CCDC38: variants seen among roughly 807,000 people sequenced by gnomAD.
CCDC38 encodes the protein coiled-coil domain containing 38.
CCDC38 carries 69 observed loss-of-function variants against 72.8 expected under a neutral mutation model. That is an observed-to-expected ratio of 0.95 (90% CI 0.78 to 1.16). The LOEUF (loss-of-function observed/expected upper bound fraction) is 1.16. Among genes scored for constraint, CCDC38 ranks in the 50% most tolerant of loss-of-function variants. CCDC38 has a pLI of 0.00. For synonymous variants in CCDC38, 201 were observed against 213.2 expected (o/e 0.94, Z 0.50); for missense variants, 626 against 638.9 (o/e 0.98, Z 0.22).
chr12:95,892,854 C>G (rs112266557), intron 8 of CCDC38, among the ~76,000 whole-genome samples: 1 of 152,098 alleles, frequency 6.6e-6, no homozygotes, highest in Admixed American at 6.5e-5. Flanking sequence ...CAGGCATGAG[C>G]CACCACACCC....
chr12:95,906,375 T>C lies in CCDC38; in HGVS notation c.369+12A>G. ...TTCCACTTGGCTAGGGGAGAAAAGT[T>C]ATTTTTACTACCTCGAGCAGAAACC... On this transcript the variant is annotated intron_variant, in intron 5 of 15. Coordinates refer to ENST00000344280, the MANE Select transcript of CCDC38 (RefSeq NM_182496.3). 6.3e-7 allele frequency: 1 copy of C among 1,596,382 alleles called. No homozygotes were observed. Among genetic ancestry groups the C allele is most frequent in the Non-Finnish European group, 8.6e-7 (1 of 1,166,118 alleles).
chr12:95,926,820 A>G (rs976009800), intron 2 of CCDC38, among the ~76,000 whole-genome samples: 1 of 151,400 alleles, frequency 6.6e-6, no homozygotes, highest in Non-Finnish European at 1.5e-5. Flanking sequence ...ATTCAGGAGC[A>G]GGTTGTTCAG....
chr12:95,922,474 C>T (rs1009570082), intron 2 of CCDC38, among the ~76,000 whole-genome samples: 12 of 152,150 alleles, frequency 7.9e-5, no homozygotes, highest in African/African-American at 2.4e-4. Context: ...CCCCTGGTCC[C>T]CACAGGAGGA....
chr12:95,881,428 A>T (rs1442467557), intron 11 of CCDC38, 57 bp downstream of exon 11: 1 of 1,216,936 alleles, frequency 8.2e-7, no homozygotes, highest in African/African-American at 1.5e-5. Flanking sequence ...AGAATAAATG[A>T]TCATCAGTAT....
At chr12:95,912,991 G>A (rs1008971057) in intron 4 of CCDC38, among the ~76,000 whole-genome samples, 1 of 152,146 alleles carries the variant, frequency 6.6e-6, no homozygotes, top group African/African-American at 2.4e-5. Flanking sequence ...CCTTGAGCCA[G>A]GAGGTCGAGG....
intron 4 of CCDC38, among the ~76,000 whole-genome samples, chr12:95,910,621 A>G (rs945806357): frequency 6.6e-6 from 1 of 152,218 alleles, no homozygotes; most frequent in Non-Finnish European, 1.5e-5. Flanking sequence ...CAAAACTTGG[A>G]AAGGCCAAGG....
At chr12:95,878,854 G>A (rs1300240282) in intron 12 of CCDC38, among the ~76,000 whole-genome samples, 1 of 152,178 alleles carries the variant, frequency 6.6e-6, no homozygotes, top group East Asian at 1.9e-4. Context: ...GATTGGAAAA[G>A]ATACAAGGAT....
chr12:95,938,139 G>T (rs932893269), intron 1 of CCDC38, among the ~76,000 whole-genome samples: 3 of 152,020 alleles, frequency 2.0e-5, no homozygotes, highest in African/African-American at 7.2e-5. Flanking sequence ...GCTTATAAAA[G>T]AGAAAAAAAT....
intron 2 of CCDC38, among the ~76,000 whole-genome samples, chr12:95,922,089 A>G (rs2080215741): frequency 6.6e-6 from 1 of 152,234 alleles, no homozygotes. Context: ...CCATTTGCCC[A>G]AAGATTCAGT....
chr12:95,932,027 G>C (rs1342526052), intron 2 of CCDC38, among the ~76,000 whole-genome samples: 1 of 152,124 alleles, frequency 6.6e-6, no homozygotes, highest in Non-Finnish European at 1.5e-5. Flanking sequence ...TCGGGGGACT[G>C]TAGTAGCAAG....
At chr12:95,931,641 C>T (rs1436943474) in intron 2 of CCDC38, among the ~76,000 whole-genome samples, 2 of 152,302 alleles carry the variant, frequency 1.3e-5, no homozygotes, top group East Asian at 1.9e-4. Flanking sequence ...GTGTTTTAGG[C>T]ACTGATGTTA....
chr12:95,919,926 C>T lies in CCDC38; in HGVS notation c.38-950G>A, dbSNP rs754412560. ...GCAGTCACTTTGGAAAACAATCTGG[C>T]AGTTCCTTAAAAAGTTGAACACAGA... On this transcript the variant is annotated intron_variant, in intron 2 of 15. Transcript: ENST00000344280. 7.8e-4 allele frequency among the ~76,000 whole-genome samples: 119 copies of T among 152,304 alleles called. 2 individuals are homozygous for T. Among genetic ancestry groups the T allele is most frequent in the Middle Eastern group, 3.4e-3 (1 of 294 alleles).
At chr12:95,897,202 CT>C (rs1165789428) in intron 7 of CCDC38, among the ~76,000 whole-genome samples, 7 of 152,064 alleles carry the variant, frequency 4.6e-5, no homozygotes, top group South Asian at 2.1e-4. Flanking sequence ...GCATCAAGTT[CT>C]CAAAAAGGAA....
intron 7 of CCDC38, among the ~76,000 whole-genome samples, chr12:95,897,419 G>A (rs576469024): frequency 2.2e-4 from 33 of 152,000 alleles, no homozygotes; most frequent in African/African-American, 7.2e-4. Flanking sequence ...GACTAGCTTG[G>A]CTAACGTGGT....
Position 95,872,597 on chromosome 12 carries a change from C to G in CCDC38, c.1279-137G>C, listed in dbSNP as rs1372566576. 4.7e-6 allele frequency: 3 copies of G among 644,272 alleles called. No individual in the cohort carries two copies. In the African/African-American group the frequency reaches 5.5e-5, roughly 12 times the overall value. The allele number at this position is 644,272 out of a possible 1,614,324, so 39.9% of individuals were successfully genotyped here. On this transcript the variant is annotated intron_variant, in intron 13 of 15. Coordinates refer to ENST00000344280, the MANE Select transcript of CCDC38 (RefSeq NM_182496.3). Reference sequence around the variant, plus strand: ...TTTATTTTTATTATTTTTTTTGAGACGGAGTCTCACTCTGTCACCCAGGCT... The same window carrying G: ...TTTATTTTTATTATTTTTTTTGAGAGGGAGTCTCACTCTGTCACCCAGGCT...
At position 95,878,496 on chromosome 12, in the gene CCDC38, T is replaced by C. The variant is rs1432451081; in HGVS notation, c.1143-150A>G. The C allele has an allele frequency of 7.1e-6, 5 of 702,136 alleles. No homozygotes were observed. The African/African-American group carries it at 8.9e-5, about 13-fold the overall frequency. The allele number at this position is 702,136 out of a possible 1,614,324, so 43.5% of individuals were successfully genotyped here. A position where few individuals can be genotyped will look rare whatever the true frequency, so the allele number is the denominator to read the frequency against. ...TATTTGAAGACATTGCCAAAGTACA[T>C]GCAACTTTTCAAGTTAAAATGAGAA... is the stretch of plus-strand genomic sequence containing the variant. On this transcript the variant is annotated intron_variant, in intron 12 of 15. Transcript: ENST00000344280.
intron 4 of CCDC38, among the ~76,000 whole-genome samples, chr12:95,912,486 G>T (rs76240639): frequency 0.085 from 12,929 of 152,206 alleles, 768 homozygotes; most frequent in Non-Finnish European, 0.12. Context: ...GATAGGAAGA[G>T]GTTGGTTAAC....
At chr12:95,933,289 A>G (rs2080357168) in intron 2 of CCDC38, 1 of 152,210 alleles carries the variant, frequency 6.6e-6, no homozygotes, top group Non-Finnish European at 1.5e-5. Context: ...TGTACTCCAT[A>G]GAGATGACAT....
chr12:95,878,251 G>C lies in CCDC38; in HGVS notation c.1238C>G (p.Ser413Cys). 6.2e-7 allele frequency: 1 copy of C among 1,613,536 alleles called. No homozygotes were observed. Among genetic ancestry groups the C allele is most frequent in the South Asian group, 1.1e-5 (1 of 91,074 alleles). The change falls in exon 13 of 16, where the codon TCC (serine) becomes TGC (cysteine). Residue 413 changes from serine to cysteine, a missense_variant. Ser to Cys is a moderately radical substitution (Grantham distance 112). Coordinates refer to ENST00000344280, the MANE Select transcript of CCDC38 (RefSeq NM_182496.3). ...EEKAAELQLK[S>C]KLFSFGEFNS... The stretch of plus-strand genomic sequence containing the variant: ...AAATTCTCCAAAGCTAAAGAGCTTG[G>C]ACTTTAATTGCAATTCTGCTGCTTT...
Sources: gnomAD v4.1 joint callset for allele counts (sites outside exome capture counted in the v4.1 genomes callset) on GRCh38, gnomAD v4.1.1 for gene constraint, MANE v1.5 for transcripts, NCBI Gene and HGNC (gene_info 2026-07-23, HGNC 2026-07-21) for gene names.